The following SND1 variants were observed in gnomAD, a reference collection of about 807,000 sequenced individuals.
SND1 encodes the protein staphylococcal nuclease domain-containing protein 1.
Under a neutral mutation model 121.7 loss-of-function variants are expected in SND1, and 38 were observed. The observed-to-expected ratio is 0.31, with a 90% CI of 0.24 to 0.41. SND1 has a LOEUF of 0.41. SND1 is among the 10% of genes least tolerant of loss of function. SND1 has a pLI of 1.00. For missense variants in SND1, 868 were observed against 1,184.6 expected, an observed-to-expected ratio of 0.73 and a Z score of 3.92; for synonymous variants, 401 against 447.4, an observed-to-expected ratio of 0.90 and a Z score of 1.31.
intron 15 of SND1, among the ~76,000 whole-genome samples, chr7:127,967,068 A>G (rs1468333615): frequency 6.6e-6 from 1 of 151,984 alleles, no homozygotes; most frequent in Non-Finnish European, 1.5e-5. Context: ...ATCCTGTAGC[A>G]CCCTTCTGCA....
At chr7:128,087,996 A>G (rs1327982471) in intron 21 of SND1, among the ~76,000 whole-genome samples, 1 of 152,196 alleles carries the variant, frequency 6.6e-6, no homozygotes, top group African/African-American at 2.4e-5. Context: ...ACCTGGAGTG[A>G]GAGCTGCGTG....
At chr7:127,815,782 C>T (rs111965704) in intron 11 of SND1, among the ~76,000 whole-genome samples, 1 of 152,006 alleles carries the variant, frequency 6.6e-6, no homozygotes, top group Non-Finnish European at 1.5e-5. Flanking sequence ...GTTATGGCAG[C>T]CCTAGGAAAG....
At chr7:127,695,599 A>G (rs1795991711) in intron 3 of SND1, among the ~76,000 whole-genome samples, 1 of 152,192 alleles carries the variant, frequency 6.6e-6, no homozygotes, top group Admixed American at 6.5e-5. Context: ...TGGGAGTGTG[A>G]GGCAGGAGGA....
intron 11 of SND1, among the ~76,000 whole-genome samples, chr7:127,826,435 A>C (rs775178570): frequency 2.6e-5 from 4 of 152,172 alleles, no homozygotes; most frequent in African/African-American, 9.7e-5. Flanking sequence ...AATTATAGTC[A>C]TCTAGATTTG....
chr7:128,090,935 C>T (rs576653203), intron 22 of SND1, among the ~76,000 whole-genome samples: 67 of 152,264 alleles, frequency 4.4e-4, no homozygotes, highest in African/African-American at 1.5e-3. Context: ...CCATAATGCC[C>T]CTGCTATCTA....
intron 1 of SND1, among the ~76,000 whole-genome samples, 168 bp downstream of exon 1, chr7:127,652,619 G>A (rs889423585): frequency 3.3e-5 from 5 of 152,130 alleles, no homozygotes; most frequent in Non-Finnish European, 4.4e-5. Context: ...AAGCAGACAC[G>A]GAGTCCCCTT....
At chr7:127,694,769 T>C in intron 2 of SND1, 59 bp from the exon 3 acceptor site, 2 of 1,599,652 alleles carry the variant, frequency 1.3e-6, no homozygotes, top group South Asian at 1.1e-5. Flanking sequence ...GTTGCTTGAA[T>C]GCTGATTGGC....
rs995673202 is a variant in SND1 at position 127,827,647 on chromosome 7, C to T, written c.1243-16677C>T. ...ATTTATTCTATTCTTATGTTTATCA[C>T]GATGCATATTCACAGGAATTATAGC... On this transcript the variant is annotated intron_variant, in intron 11 of 23. Coordinates refer to ENST00000354725, the MANE Select transcript of SND1 (RefSeq NM_014390.4). Among the ~76,000 whole-genome samples the T allele has an allele frequency of 5.9e-5, 9 of 152,188 alleles. No homozygotes were observed. In the East Asian group the frequency reaches 1.4e-3, roughly 23 times the overall value.
At chr7:128,019,062 CA>C (rs1803291527) in intron 16 of SND1, among the ~76,000 whole-genome samples, 2 of 152,158 alleles carry the variant, frequency 1.3e-5, no homozygotes, top group African/African-American at 2.4e-5. Flanking sequence ...GAGCTTAACC[CA>C]CACTCCAAAC....
chr7:127,673,130 T>C (rs1388283938), intron 1 of SND1, among the ~76,000 whole-genome samples: 2 of 148,314 alleles, frequency 1.3e-5, no homozygotes, highest in Admixed American at 6.8e-5. Flanking sequence ...AAACTATATA[T>C]TCTATTATAT....
chr7:127,913,084 G>A (rs994965244), intron 14 of SND1, among the ~76,000 whole-genome samples: 4 of 152,160 alleles, frequency 2.6e-5, no homozygotes, highest in Non-Finnish European at 2.9e-5. Context: ...TTTGATATGA[G>A]TGTCCTAGCT....
Position 127,669,300 on chromosome 7 carries a change from C to T in SND1, c.78+16849C>T, listed in dbSNP as rs182477441. The stretch of plus-strand genomic sequence containing the variant: ...GCCACTGTGCCTGGCCAGCGGTCCC[C>T]TTTTTACAGTATATCAAATTTCCCT... On this transcript the variant is annotated intron_variant, in intron 1 of 23. Transcript: ENST00000354725. 2.7e-4 allele frequency among the ~76,000 whole-genome samples: 41 copies of T among 152,198 alleles called. No individual in the cohort carries two copies. In the East Asian group the frequency reaches 7.9e-3, roughly 29 times the overall value.
chr7:127,998,205 G>C, intron 16 of SND1: 1 of 318,564 alleles, frequency 3.1e-6, no homozygotes, highest in Non-Finnish European at 6.3e-6. Context: ...CTTTAGGAAA[G>C]CTCTCCAAGC....
chr7:127,938,552 C>T (rs2116834690), intron 15 of SND1, among the ~76,000 whole-genome samples: 1 of 152,350 alleles, frequency 6.6e-6, no homozygotes, highest in South Asian at 2.1e-4. Flanking sequence ...AGATCTGCTA[C>T]ATTTTCTTTG....
intron 14 of SND1, among the ~76,000 whole-genome samples, chr7:127,920,202 TTTAC>T (rs1800670559): frequency 6.6e-6 from 1 of 152,216 alleles, no homozygotes; most frequent in East Asian, 1.9e-4. Flanking sequence ...CAATAGTGGA[TTTAC>T]TTACTTGACC....
rs1488548486 is a variant in SND1 at position 127,726,641 on chromosome 7, C to T, written c.1152+5241C>T. ...ACTGGAAAGCCTAGTGCTCTATTGC[C>T]CAGGGCTGCTGTGGGCTTTGTGTTA... On this transcript the variant is annotated intron_variant, in intron 10 of 23. Transcript: ENST00000354725. Among the ~76,000 whole-genome samples, 3 of 152,116 alleles carry T rather than the reference C, an allele frequency of 2.0e-5. No individual in the cohort carries two copies. The East Asian group carries it at 5.8e-4, about 29-fold the overall frequency.
intron 16 of SND1, among the ~76,000 whole-genome samples, chr7:128,036,490 C>G (rs903689689): frequency 1.3e-5 from 2 of 152,220 alleles, no homozygotes; most frequent in Admixed American, 1.3e-4. Flanking sequence ...CCCAAGGACT[C>G]AGCTCTTTAA....
chr7:128,060,700 G>C (rs1309365811), intron 16 of SND1, among the ~76,000 whole-genome samples: 2 of 152,208 alleles, frequency 1.3e-5, no homozygotes, highest in Non-Finnish European at 2.9e-5. Flanking sequence ...GGTGGTAGTG[G>C]CAGGAGTCTC....
At chr7:128,042,410 A>AG (rs1792871700) in intron 16 of SND1, 1 of 152,276 alleles carries the variant, frequency 6.6e-6, no homozygotes, top group African/African-American at 2.4e-5. Context: ...GTCAGCCTCC[A>AG]TGAGCCAGTC....
Sources: gnomAD v4.1 joint callset for allele counts (sites outside exome capture counted in the v4.1 genomes callset) on GRCh38, gnomAD v4.1.1 for gene constraint, MANE v1.5 for transcripts, NCBI Gene and HGNC (gene_info 2026-07-23, HGNC 2026-07-21) for gene names.